Variants in PTCH2 observed in about 807,000 individuals in gnomAD.
PTCH2 encodes the protein patched 2.
PTCH2 carries 96 observed loss-of-function variants against 117.9 expected under a neutral mutation model. The ratio of observed to expected loss-of-function variants is 0.81; its 90% CI spans 0.69 to 0.96. PTCH2 has a LOEUF of 0.96. Among genes scored for constraint, PTCH2 ranks in the 50% least tolerant of loss-of-function variants. PTCH2 has a pLI of 0.00. For synonymous variants in PTCH2, 615 were observed against 660.9 expected, an observed-to-expected ratio of 0.93 and a Z score of 1.06; for missense variants, 1,379 against 1,562.5, an observed-to-expected ratio of 0.88 and a Z score of 1.98.
chr1:44,830,607 A>AAAAAAAAAAAAAAAAAAAT, intron 6 of PTCH2, among the ~76,000 whole-genome samples: 1 of 149,878 alleles, frequency 6.7e-6, no homozygotes. Flanking sequence ...AAAAAAAAGA[A>AAAAAAAAAAAAAAAAAAAT]GTCCAGCCTT....
downstream of PTCH2, chr1:44,820,289 T>C: frequency 2.1e-6 from 1 of 468,908 alleles, no homozygotes; most frequent in Admixed American, 2.4e-5. Context: ...CCTATGCTCC[T>C]CTCTGCTGGT....
chr1:44,834,727 T>C (rs970499105), intron 2 of PTCH2, among the ~76,000 whole-genome samples: 4 of 152,078 alleles, frequency 2.6e-5, no homozygotes, highest in Non-Finnish European at 5.9e-5. Flanking sequence ...TTGACAAAGA[T>C]AGATATGGAC....
At position 44,827,714 on chromosome 1, in the gene PTCH2, C is replaced by T; in HGVS notation, c.2059G>A (p.Ala687Thr). The T allele has an allele frequency of 6.2e-7, 1 of 1,611,028 alleles. No individual in the cohort carries two copies. Among genetic ancestry groups the T allele is most frequent in the South Asian group, 1.1e-5 (1 of 91,084 alleles). ...GCACCAAAGAGCACCAGCACGATGG[C>T]CTGCGGGATGTAGCAACTAAGCTGG... Reference protein sequence around the residue: ...APLLLQSHAKAIVLVLFGALL... With the variant: ...APLLLQSHAKTIVLVLFGALL... Residue 687 changes from alanine to threonine, a missense_variant and splice_region_variant, in exon 15 of 22, where the codon GCC becomes ACC. Physicochemically the swap from Ala to Thr is moderately conservative, Grantham distance 58. Coordinates refer to ENST00000372192, the MANE Select transcript of PTCH2 (RefSeq NM_003738.5).
chr1:44,823,008 G>A lies in PTCH2; in HGVS notation c.3357+61C>T, dbSNP rs1367603572. On this transcript the variant is annotated intron_variant, in intron 21 of 21. Coordinates refer to ENST00000372192, the MANE Select transcript of PTCH2 (RefSeq NM_003738.5). The surrounding 1 kb of genome is among the most constrained non-coding windows in gnomAD (Gnocchi z 5.1). ...GCCACAGGGCTCTGTCCCTTCCCTTGCCTCTCCCTACCCCGTCCCTTGGGC... is the reference window on the plus strand; with the variant it reads ...GCCACAGGGCTCTGTCCCTTCCCTTACCTCTCCCTACCCCGTCCCTTGGGC... 6.5e-7 allele frequency: 1 copy of A among 1,546,264 alleles called. No homozygotes were observed. The highest frequency in any genetic ancestry group is 8.8e-7 in the Non-Finnish European group (1 of 1,133,224).
Position 44,828,981 on chromosome 1 carries a change from C to G in PTCH2, c.1464+1G>C. The G allele has an allele frequency of 1.3e-6, 2 of 1,555,064 alleles. No individual in the cohort carries two copies. Among genetic ancestry groups the G allele is most frequent in the Non-Finnish European group, 1.7e-6 (2 of 1,148,886 alleles). On this transcript the variant is annotated splice_donor_variant, in intron 11 of 21. Coordinates refer to ENST00000372192, the MANE Select transcript of PTCH2 (RefSeq NM_003738.5). LOFTEE classifies it high-confidence loss of function. ...ATGAGCCCTGGGGGACAAGGCCCCACCTGGAGAGGGGTGCCAGGCAGAGCC... is the reference window on the plus strand; with the variant it reads ...ATGAGCCCTGGGGGACAAGGCCCCAGCTGGAGAGGGGTGCCAGGCAGAGCC...
At chr1:44,821,355 C>G (rs1652903950), downstream of PTCH2, among the ~76,000 whole-genome samples, 1 of 152,208 alleles carries the variant, frequency 6.6e-6, no homozygotes, top group Admixed American at 6.5e-5. Flanking sequence ...CGCAACTGAT[C>G]CACTGGCTGA....
intron 2 of PTCH2, among the ~76,000 whole-genome samples, chr1:44,834,244 C>T (rs1323752565): frequency 2.0e-5 from 3 of 152,018 alleles, no homozygotes; most frequent in South Asian, 2.1e-4. Flanking sequence ...CTCAGCCTCC[C>T]GAGTAGTTGG....
rs147819134 is a variant in PTCH2, at chr1:44,825,122, T to G, written c.3114+1128A>C. On this transcript the variant is annotated intron_variant, in intron 19 of 21. Transcript: ENST00000372192. ...CTTATTTATTTGTCTACTTATTTAC[T>G]GTCTATCTCTCTCTTCTTTTTTTTC... Among the ~76,000 whole-genome samples the G allele has an allele frequency of 5.9e-3, 901 of 152,260 alleles. 11 individuals carry two copies. Among genetic ancestry groups the G allele is most frequent in the African/African-American group, 0.021 (860 of 41,544 alleles).
rs368762301 is a variant in PTCH2 at position 44,826,864 on chromosome 1, G to A, written c.2695+38C>T. On this transcript the variant is annotated intron_variant, in intron 17 of 21. Transcript: ENST00000372192. This position sits in a 1 kb window ranked among gnomAD's most constrained non-coding sequence, Gnocchi z 5.1. ...CCTCAGGCTCAGGGCTTGTGTGGGC[G>A]AGGCTGAGGCTCTTGCCGAGCTCCC... 1.9e-5 allele frequency: 31 copies of A among 1,613,478 alleles called. No homozygotes were observed. Among genetic ancestry groups the A allele is most frequent in the Non-Finnish European group, 2.5e-5 (29 of 1,179,714 alleles).
chr1:44,839,573 A>G (rs1443098289), intron 2 of PTCH2, among the ~76,000 whole-genome samples: 5 of 152,042 alleles, frequency 3.3e-5, no homozygotes, highest in Non-Finnish European at 7.4e-5. Context: ...ATGAGGAAAC[A>G]TGGAGGCTCA....
rs776270754 is a variant in PTCH2 at position 44,828,411 on chromosome 1, C to A, written c.1594G>T (p.Ala532Ser). ...PALRAFSLQA[A>S]IVVGCTFVAV... is the part of the protein sequence containing the mutation. ...ACAAAGGTGCAGCCAACCACTATGG[C>A]CGCCTGGGGGACGGACAGGAGGGGA... Residue 532 changes from alanine to serine, a missense_variant, in exon 13 of 22, where the codon GCC becomes TCC. Ala to Ser is a moderately conservative substitution (Grantham distance 99). Coordinates refer to ENST00000372192, the MANE Select transcript of PTCH2 (RefSeq NM_003738.5). 1.9e-6 allele frequency: 3 copies of A among 1,614,042 alleles called. No homozygotes were observed. Among genetic ancestry groups the A allele is most frequent in the Admixed American group, 3.3e-5 (2 of 60,014 alleles).
Position 44,832,115 on chromosome 1 carries a change from C to G in PTCH2, c.455+37G>C, listed in dbSNP as rs771144400. On this transcript the variant is annotated intron_variant, in intron 3 of 21. Coordinates refer to ENST00000372192, the MANE Select transcript of PTCH2 (RefSeq NM_003738.5). Reference sequence around the variant, plus strand: ...CCACTCCAGAACCCCCACAGCACGCCTCGCCCCCAGCTGCTCAGGGGCTCA... The same window carrying G: ...CCACTCCAGAACCCCCACAGCACGCGTCGCCCCCAGCTGCTCAGGGGCTCA... 1.2e-5 allele frequency: 19 copies of G among 1,613,650 alleles called. 1 individual carries two copies. In the Middle Eastern group the frequency reaches 6.6e-4, roughly 56 times the overall value.
In PTCH2 at chr1:44,828,094, A is replaced by G; in HGVS notation, c.1807T>C (p.Phe603Leu). 6.2e-7 allele frequency: 1 copy of G among 1,614,096 alleles called. No individual in the cohort carries two copies. Among genetic ancestry groups the G allele is most frequent in the Non-Finnish European group, 8.5e-7 (1 of 1,180,004 alleles). Residue 603 changes from phenylalanine to leucine, a missense_variant, in exon 14 of 22, where the codon TTT (phenylalanine) becomes CTT (leucine). Physicochemically the swap from Phe to Leu is conservative, Grantham distance 22. Transcript: ENST00000372192. ...IAHLTATVQA[F>L]THCEASSQHV... Reference sequence around the variant, plus strand: ...TGGCTGCTGGCTTCACAGTGGGTAAAGGCTTGAACTGTGGCAGTGAGGTGG... The same window carrying G: ...TGGCTGCTGGCTTCACAGTGGGTAAGGGCTTGAACTGTGGCAGTGAGGTGG...
chr1:44,829,415 C>G lies in PTCH2; in HGVS notation c.1202G>C (p.Gly401Ala). The G allele has an allele frequency of 6.2e-7, 1 of 1,614,170 alleles. No individual in the cohort carries two copies. The highest frequency in any genetic ancestry group is 1.7e-4 in the Middle Eastern group (1 of 6,058). ...TGCAAGACCCACCATGAGCAGATAGCCTCCCACCACACGGGCAGCACTGAC... is the reference window on the plus strand; with the variant it reads ...TGCAAGACCCACCATGAGCAGATAGGCTCCCACCACACGGGCAGCACTGAC... Reference protein sequence around the residue: ...SEVSAARVVGGYLLMLAYACV... With the variant: ...SEVSAARVVGAYLLMLAYACV... Residue 401 changes from glycine (G) to alanine (A), a missense_variant, in exon 9 of 22, where the codon GGC becomes GCC. Transcript: ENST00000372192.
chr1:44,820,378 G>A, downstream of PTCH2: 1 of 587,782 alleles, frequency 1.7e-6, no homozygotes, highest in Non-Finnish European at 3.2e-6. Flanking sequence ...AGGGGTTAAG[G>A]TCCTGTCCCG....
rs1015610874 is a variant in PTCH2 at position 44,827,815 on chromosome 1, G to A, written c.2058+28C>T. 7 of 1,613,194 alleles carry A rather than the reference G, an allele frequency of 4.3e-6. No individual in the cohort carries two copies. In the African/African-American group the frequency reaches 9.3e-5, roughly 22 times the overall value. On this transcript the variant is annotated intron_variant, in intron 14 of 21. Transcript: ENST00000372192. ...GCCCTTCTGGGCCCAGAGATGCTAA[G>A]TCTCTGCCCTGCTCTGCCCAGTCTT... is the stretch of plus-strand genomic sequence containing the variant.
In PTCH2 at chr1:44,823,286, C is replaced by T. The variant is rs1171321506; in HGVS notation, c.3214G>A (p.Gly1072Ser). Reference sequence around the variant, plus strand: ...TGGGAACCAGCAAGCATGAGCAGACCCAGCAATGTGGAGATGGCCCCATCG... The same window carrying T: ...TGGGAACCAGCAAGCATGAGCAGACTCAGCAATGTGGAGATGGCCCCATCG... Reference protein sequence around the residue: ...VTDGAISTLLGLLMLAGSHFD... With the variant: ...VTDGAISTLLSLLMLAGSHFD... The change falls in exon 20 of 22, where the codon GGT (glycine) becomes AGT (serine). Residue 1072 changes from glycine (G) to serine (S), a missense_variant. Transcript: ENST00000372192. This position sits in a 1 kb window ranked among gnomAD's most constrained non-coding sequence, Gnocchi z 5.1. 4 of 1,614,100 alleles carry T rather than the reference C, an allele frequency of 2.5e-6. No homozygotes were observed. Among genetic ancestry groups the T allele is most frequent in the Non-Finnish European group, 3.4e-6 (4 of 1,180,046 alleles).
rs2148874357 is a variant in PTCH2, at chr1:44,826,773, G to A, written c.2696-5C>T. 1.3e-6 allele frequency: 2 copies of A among 1,598,740 alleles called. No individual in the cohort carries two copies. Among genetic ancestry groups the A allele is most frequent in the East Asian group, 4.5e-5 (2 of 44,662 alleles). The stretch of plus-strand genomic sequence containing the variant: ...CCAAGGGCTGAGCTGGCGGGACTGT[G>A]GAGGGGAGGGGAAGGGAGAAGAGGG... On this transcript the variant is annotated splice_region_variant and splice_polypyrimidine_tract_variant and intron_variant, in intron 17 of 21. Transcript: ENST00000372192. This position sits in a 1 kb window ranked among gnomAD's most constrained non-coding sequence, Gnocchi z 5.1.
chr1:44,827,942 C>T lies in PTCH2; in HGVS notation c.1959G>A (p.Arg653=). The stretch of plus-strand genomic sequence containing the variant: ...GCAGGGACTTGCAGGCTGCCTTCTG[C>T]CTTGTCTCCTCCTCCTGGCCTAGAA... ...RDLLGQEEET[R]QKAACKSLPC... The change falls in exon 14 of 22, where the codon AGG becomes AGA. Residue 653 remains arginine, a synonymous_variant. Transcript: ENST00000372192. 1 of 1,614,182 alleles carries T rather than the reference C, an allele frequency of 6.2e-7. No homozygotes were observed. The highest frequency in any genetic ancestry group is 8.5e-7 in the Non-Finnish European group (1 of 1,180,040).
Sources: gnomAD v4.1 joint callset for allele counts (sites outside exome capture counted in the v4.1 genomes callset) on GRCh38, gnomAD v4.1.1 for gene constraint, Gnocchi (gnomAD v3.1) non-coding constraint, MANE v1.5 for transcripts, NCBI Gene and HGNC (gene_info 2026-07-23, HGNC 2026-07-21) for gene names.